The following CACNG8 variants were observed in gnomAD, a reference collection of about 807,000 sequenced individuals.
CACNG8 encodes the protein calcium voltage-gated channel auxiliary subunit gamma 8.
In CACNG8, 5 loss-of-function variants were observed where a neutral mutation model predicts 26.9. The observed-to-expected ratio is 0.19, with a 90% CI of 0.10 to 0.39. The LOEUF (loss-of-function observed/expected upper bound fraction) is 0.39, where lower values mean the gene tolerates loss of function less well. CACNG8 is among the 10% of genes least tolerant of loss of function. The pLI, the probability that CACNG8 is intolerant of heterozygous loss-of-function variation, is 1.00. For synonymous variants in CACNG8, 321 were observed against 296.7 expected (o/e 1.08, Z -0.84); for missense variants, 473 against 609.4 (o/e 0.78, Z 2.36).
In CACNG8 at chr19:53,982,312, G is replaced by A. The variant is rs769325224; in HGVS notation, c.741G>A (p.Gly247=). The A allele has an allele frequency of 6.3e-7, 1 of 1,596,512 alleles. No homozygotes were observed. Among genetic ancestry groups the A allele is most frequent in the South Asian group, 1.1e-5 (1 of 89,100 alleles). ...GCTCGGACCTGCTCAAGGCCGGCGG[G>A]GGCGCGGGCGGCAGTGGCGGGAGCG... The change falls in exon 4 of 4, where the codon GGG becomes GGA. Residue 247 remains glycine (G), a synonymous_variant. Transcript: ENST00000270458. This position sits in a 1 kb window ranked among gnomAD's most constrained non-coding sequence, Gnocchi z 8.4.
rs553929789 is a variant in CACNG8, at chr19:53,978,312, C to T, written c.367+83C>T. On this transcript the variant is annotated intron_variant, in intron 2 of 3. Coordinates refer to ENST00000270458, the MANE Select transcript of CACNG8 (RefSeq NM_031895.6). ...CGTCGGGGTGGGTGCCGGGAAAAGG[C>T]ACTGGGACTCCGGCACTTGGATCGA... 73 of 1,035,678 alleles carry T rather than the reference C, an allele frequency of 7.0e-5. No individual in the cohort carries two copies. In the East Asian group the frequency reaches 7.1e-4, roughly 10 times the overall value. The allele number at this position is 1,035,678 out of a possible 1,614,324, so 64.2% of individuals were successfully genotyped here. A position where few individuals can be genotyped will look rare whatever the true frequency, so the allele number is the denominator to read the frequency against.
At chr19:53,980,082 G>A (rs2069355896) in intron 3 of CACNG8, 75 bp downstream of exon 3, 2 of 1,358,374 alleles carry the variant, frequency 1.5e-6, no homozygotes, top group Non-Finnish European at 1.9e-6. Flanking sequence ...GTGTGTGTGT[G>A]TGTGCGCGCG....
At chr19:53,981,876 G>A (rs1422864281) in intron 3 of CACNG8, among the ~76,000 whole-genome samples, 1 of 152,148 alleles carries the variant, frequency 6.6e-6, no homozygotes, top group Non-Finnish European at 1.5e-5. Context: ...AGCGCCTAGA[G>A]CATCGGGCGG....
chr19:53,965,104 C>G (rs984373927), intron 1 of CACNG8, among the ~76,000 whole-genome samples: 1 of 152,176 alleles, frequency 6.6e-6, no homozygotes, highest in Non-Finnish European at 1.5e-5. Context: ...CCAAGGTCAC[C>G]TAGCTGAGAA....
intron 1 of CACNG8, among the ~76,000 whole-genome samples, chr19:53,973,452 G>A (rs1254171718): frequency 6.6e-6 from 1 of 152,168 alleles, no homozygotes; most frequent in African/African-American, 2.4e-5. Context: ...GAACCTGGGA[G>A]GGGGAGTTTG....
intron 1 of CACNG8, among the ~76,000 whole-genome samples, chr19:53,973,037 G>A (rs901578309): frequency 2.0e-5 from 3 of 152,202 alleles, no homozygotes; most frequent in Non-Finnish European, 4.4e-5. Context: ...CCTAGGGACT[G>A]AGCAAGTTAT....
At position 53,982,491 on chromosome 19, in the gene CACNG8, A is replaced by T; in HGVS notation, c.920A>T (p.Tyr307Phe). ...TTTGCCTCCACGGACATCTCCATGT[A>T]CACGCTCAGCCGCGACCCCTCCAAG... Residue 307 changes from tyrosine (Y) to phenylalanine (F), a missense_variant, in exon 4 of 4, where the codon TAC becomes TTC. Transcript: ENST00000270458. This position sits in a 1 kb window ranked among gnomAD's most constrained non-coding sequence, Gnocchi z 8.4. 1 of 1,499,750 alleles carries T rather than the reference A, an allele frequency of 6.7e-7. No homozygotes were observed. Among genetic ancestry groups the T allele is most frequent in the Non-Finnish European group, 8.8e-7 (1 of 1,132,680 alleles). 92.9% of individuals were successfully genotyped at this position (1,499,750 alleles called of 1,614,324 possible).
At chr19:53,976,676 T>TC (rs199556562) in intron 1 of CACNG8, among the ~76,000 whole-genome samples, 10 of 125,826 alleles carry the variant, frequency 7.9e-5, no homozygotes, top group East Asian at 3.3e-4. Flanking sequence ...TCTCTCTCTC[T>TC]TTTTTTTTTC....
intron 1 of CACNG8, among the ~76,000 whole-genome samples, chr19:53,964,898 T>C (rs921145392): frequency 6.6e-6 from 1 of 152,218 alleles, no homozygotes; most frequent in Non-Finnish European, 1.5e-5. Context: ...GCCATCCTGA[T>C]GCCCCCTTCG....
chr19:53,968,755 T>G (rs1600025951), intron 1 of CACNG8, among the ~76,000 whole-genome samples: 1 of 106,020 alleles, frequency 9.4e-6, no homozygotes, highest in Non-Finnish European at 1.7e-5. Flanking sequence ...GGCAACAGAG[T>G]GAGACTCTAT....
chr19:53,966,458 G>A (rs928250393), intron 1 of CACNG8, among the ~76,000 whole-genome samples: 4 of 152,046 alleles, frequency 2.6e-5, no homozygotes, highest in African/African-American at 9.7e-5. Flanking sequence ...TGTCACCCAG[G>A]CTGGCGTGCA....
chr19:53,971,444 C>T (rs2069302101), intron 1 of CACNG8, among the ~76,000 whole-genome samples: 1 of 152,172 alleles, frequency 6.6e-6, no homozygotes, highest in South Asian at 2.1e-4. Flanking sequence ...ACTCTCTCTC[C>T]CTTTTTCCCC....
At chr19:53,978,811 A>G (rs1348462838) in intron 2 of CACNG8, among the ~76,000 whole-genome samples, 3 of 138,690 alleles carry the variant, frequency 2.2e-5, no homozygotes, top group Non-Finnish European at 4.6e-5. Flanking sequence ...TAAGGGGAAG[A>G]AGGGAGGGAG....
Position 53,982,122 on chromosome 19 carries a change from A to G in CACNG8, c.551A>G (p.Asn184Ser), listed in dbSNP as rs764884536. ...GGCGTGATCGTGTACATCTCCGCCA[A>G]CGCGGGCGAGCCGGGCCCGAAGCGG... is the stretch of plus-strand genomic sequence containing the variant. Residue 184 changes from asparagine to serine, a missense_variant, in exon 4 of 4, where the codon AAC becomes AGC. By Grantham distance (46) the Asn-to-Ser change is conservative (BLOSUM62 1). Transcript: ENST00000270458. This position sits in a 1 kb window ranked among gnomAD's most constrained non-coding sequence, Gnocchi z 8.4. 1 of 1,607,924 alleles carries G rather than the reference A, an allele frequency of 6.2e-7. No homozygotes were observed. Among genetic ancestry groups the G allele is most frequent in the South Asian group, 1.1e-5 (1 of 90,212 alleles).
intron 1 of CACNG8, among the ~76,000 whole-genome samples, chr19:53,965,665 A>G (rs1254918783): frequency 2.0e-5 from 3 of 152,128 alleles, no homozygotes; most frequent in Non-Finnish European, 4.4e-5. Flanking sequence ...ACAAACAGAC[A>G]AAACCTCCTG....
chr19:53,984,631 GA>G lies in CACNG8; in HGVS notation c.*1785del. 6.6e-6 allele frequency: 1 copy of G among 152,558 alleles called. No homozygotes were observed. The highest frequency in any genetic ancestry group is 1.5e-5 in the Non-Finnish European group (1 of 68,256). 9.5% of individuals were successfully genotyped at this position (152,558 alleles called of 1,614,324 possible). ...AGGTGGGGCTGGGAGATGAGGCCGG[GA>G]AAGTAGCCACAAGCTAGAGTGTAAA... is the stretch of plus-strand genomic sequence containing the variant. On this transcript the variant is annotated 3_prime_UTR_variant, in exon 4 of 4. Transcript: ENST00000270458.
chr19:53,966,778 C>A (rs1382987179), intron 1 of CACNG8, among the ~76,000 whole-genome samples: 1 of 152,212 alleles, frequency 6.6e-6, no homozygotes, highest in Non-Finnish European at 1.5e-5. Context: ...AGAGGAGTCA[C>A]ACGAGCTGAC....
chr19:53,972,011 GTCTC>G, intron 1 of CACNG8, among the ~76,000 whole-genome samples: 1 of 152,170 alleles, frequency 6.6e-6, no homozygotes, highest in Admixed American at 6.5e-5. Flanking sequence ...TTCAGACGGA[GTCTC>G]TCTCTGTCCC....
chr19:53,969,426 CTT>C (rs535359558), intron 1 of CACNG8, among the ~76,000 whole-genome samples: 8,038 of 139,958 alleles, frequency 0.057, 254 homozygotes, highest in African/African-American at 0.08. Flanking sequence ...GATTTGTTTA[CTT>C]TTTTTTTTTT....
Sources: allele counts gnomAD v4.1 joint callset (sites outside exome capture counted in the v4.1 genomes callset), GRCh38; gene constraint gnomAD v4.1.1; non-coding constraint Gnocchi (gnomAD v3.1); transcripts MANE v1.5; gene names NCBI Gene and HGNC (gene_info 2026-07-23, HGNC 2026-07-21).